The following ANKRD29 variants were observed in gnomAD, a reference collection of about 807,000 sequenced individuals.
The protein encoded by ANKRD29 is ankyrin repeat domain-containing protein 29.
ANKRD29 carries 32 observed loss-of-function variants against 38.0 expected under a neutral mutation model. That is an observed-to-expected ratio of 0.84 (90% CI 0.64 to 1.13). ANKRD29 has a LOEUF of 1.13. Among genes scored for constraint, ANKRD29 ranks in the 50% most tolerant of loss-of-function variants. The probability of loss-of-function intolerance (pLI) is 0.00; values close to 1 mark genes in which losing one functional copy is unlikely to be tolerated. For missense variants in ANKRD29, 357 were observed against 377.9 expected, an observed-to-expected ratio of 0.94 and a Z score of 0.46; for synonymous variants, 135 against 152.4, an observed-to-expected ratio of 0.89 and a Z score of 0.84.
rs138993737 is a variant in ANKRD29, at chr18:23,624,122, A to C, written c.529-4493T>G. On this transcript the variant is annotated intron_variant, in intron 6 of 9. Transcript: ENST00000592179. ...ACTTTGATATTTTTAATACTTTGAT[A>C]TTAAATCAAAGAAATCATTGTGAAG... is the stretch of plus-strand genomic sequence containing the variant. Among the ~76,000 whole-genome samples, 359 of 152,210 alleles carry C rather than the reference A, an allele frequency of 2.4e-3. 1 individual carries two copies. The highest frequency in any genetic ancestry group is 8.3e-3 in the African/African-American group (346 of 41,544).
At chr18:23,649,242 T>C (rs1465541555) in intron 1 of ANKRD29, 49 bp from the exon 2 acceptor site, 13 of 1,342,946 alleles carry the variant, frequency 9.7e-6, no homozygotes, top group Non-Finnish European at 1.4e-5. Flanking sequence ...TCAGTTAACA[T>C]GACTGCTGCT....
At chr18:23,633,159 T>C (rs1241856075) in intron 5 of ANKRD29, among the ~76,000 whole-genome samples, 1 of 152,230 alleles carries the variant, frequency 6.6e-6, no homozygotes, top group East Asian at 1.9e-4. Flanking sequence ...TATGGCATTA[T>C]AGCGACAATC....
At chr18:23,647,010 T>G (rs2060148464) in intron 2 of ANKRD29, 1 of 152,272 alleles carries the variant, frequency 6.6e-6, no homozygotes, top group Non-Finnish European at 1.5e-5. Context: ...ATTGTAATCT[T>G]AGCTACCACC....
chr18:23,656,865 G>T (rs2060291050), intron 1 of ANKRD29, among the ~76,000 whole-genome samples: 1 of 152,134 alleles, frequency 6.6e-6, no homozygotes, highest in South Asian at 2.1e-4. Flanking sequence ...CCTTCCCTCT[G>T]TGCCTTCTGG....
intron 1 of ANKRD29, 57 bp from the exon 2 acceptor site, chr18:23,649,250 G>T: frequency 8.2e-7 from 1 of 1,223,474 alleles, no homozygotes; most frequent in Non-Finnish European, 1.2e-6. Context: ...CATGACTGCT[G>T]CTATGCACAT....
intron 1 of ANKRD29, among the ~76,000 whole-genome samples, chr18:23,653,808 T>C (rs2060241585): frequency 6.6e-6 from 1 of 152,184 alleles, no homozygotes; most frequent in East Asian, 1.9e-4. Flanking sequence ...TGGCCTCAAG[T>C]AATCCACTTG....
intron 8 of ANKRD29, among the ~76,000 whole-genome samples, chr18:23,612,637 A>G (rs1410328137): frequency 6.6e-6 from 1 of 152,224 alleles, no homozygotes; most frequent in Non-Finnish European, 1.5e-5. Context: ...CAGACCAGCT[A>G]CAGACACTCT....
At chr18:23,619,412 G>T in intron 7 of ANKRD29, 119 bp downstream of exon 7, 1 of 959,108 alleles carries the variant, frequency 1.0e-6, no homozygotes, top group South Asian at 1.8e-5. Context: ...TTGTTTTCCT[G>T]CTCAAGGAAG....
intron 1 of ANKRD29, among the ~76,000 whole-genome samples, chr18:23,654,234 C>T (rs1355993355): frequency 6.6e-6 from 1 of 151,590 alleles, no homozygotes; most frequent in African/African-American, 2.4e-5. Flanking sequence ...CCACTGCACT[C>T]CAGCCTGGTG....
chr18:23,609,048 C>T (rs1333785928), intron 9 of ANKRD29, among the ~76,000 whole-genome samples: 3 of 151,672 alleles, frequency 2.0e-5, no homozygotes, highest in Non-Finnish European at 4.4e-5. Context: ...GAGCTGAGAT[C>T]GCACCATTGC....
intron 8 of ANKRD29, among the ~76,000 whole-genome samples, chr18:23,613,368 C>T (rs909863772): frequency 1.3e-5 from 2 of 151,794 alleles, no homozygotes; most frequent in African/African-American, 4.8e-5. Context: ...GACAGGGTTT[C>T]GCCATGTTGC....
intron 7 of ANKRD29, among the ~76,000 whole-genome samples, chr18:23,619,226 G>GCCCCAGGACAGCCGGGAGGC (rs1279301875): frequency 1.3e-5 from 2 of 152,098 alleles, no homozygotes; most frequent in Non-Finnish European, 2.9e-5. Context: ...CCTAGGACAC[G>GCCCCAGGACAGCCGGGAGGC]CCCCAGGACA....
intron 3 of ANKRD29, among the ~76,000 whole-genome samples, chr18:23,645,610 T>G (rs1456982847): frequency 6.6e-6 from 1 of 152,168 alleles, no homozygotes; most frequent in Non-Finnish European, 1.5e-5. Context: ...CTTCTCTAGA[T>G]TAGACCAAGA....
chr18:23,635,532 GT>G (rs2059991947), intron 4 of ANKRD29, among the ~76,000 whole-genome samples: 1 of 152,208 alleles, frequency 6.6e-6, no homozygotes, highest in African/African-American at 2.4e-5. Context: ...TTGTTGAGTT[GT>G]TTGGCTCTCT....
chr18:23,634,064 T>C lies in ANKRD29; in HGVS notation c.416A>G (p.His139Arg). ...ETLLKHGANI[H>R]DQLYDGATAL... ...AAATGCACTCACATAAAGTTGGTCATGGATGTTTGCTCCGTGCTTCAGCAA... is the reference window on the plus strand; with the variant it reads ...AAATGCACTCACATAAAGTTGGTCACGGATGTTTGCTCCGTGCTTCAGCAA... Residue 139 changes from histidine (H) to arginine (R), a missense_variant, in exon 5 of 10, where the codon CAT becomes CGT. Coordinates refer to ENST00000592179, the MANE Select transcript of ANKRD29 (RefSeq NM_173505.4). 4.3e-6 allele frequency: 7 copies of C among 1,614,188 alleles called. No homozygotes were observed. The highest frequency in any genetic ancestry group is 1.1e-5 in the South Asian group (1 of 91,084).
chr18:23,623,364 C>A (rs2059819750), intron 6 of ANKRD29, among the ~76,000 whole-genome samples: 1 of 152,084 alleles, frequency 6.6e-6, no homozygotes, highest in Non-Finnish European at 1.5e-5. Context: ...GCATTATTGT[C>A]AAATCAGATT....
intron 5 of ANKRD29, among the ~76,000 whole-genome samples, chr18:23,633,253 G>A (rs949668488): frequency 6.6e-6 from 1 of 152,152 alleles, no homozygotes; most frequent in Non-Finnish European, 1.5e-5. Flanking sequence ...CCTTTCACAG[G>A]TCAATGGCAT....
intron 9 of ANKRD29, among the ~76,000 whole-genome samples, chr18:23,605,485 G>A (rs2059564166): frequency 6.6e-6 from 1 of 151,362 alleles, no homozygotes; most frequent in Admixed American, 6.6e-5. Flanking sequence ...TATAGGTGTT[G>A]GCCACTTTGC....
At chr18:23,649,056 G>C in intron 2 of ANKRD29, 27 bp downstream of exon 2, 1 of 1,575,904 alleles carries the variant, frequency 6.3e-7, no homozygotes, top group Non-Finnish European at 8.7e-7. Context: ...GGTGCATGCT[G>C]GGCATGCATC....
Sources: allele counts gnomAD v4.1 joint callset (sites outside exome capture counted in the v4.1 genomes callset), GRCh38; gene constraint gnomAD v4.1.1; transcripts MANE v1.5; gene names NCBI Gene and HGNC (gene_info 2026-07-23, HGNC 2026-07-21).